Variants in LSS observed in about 807,000 individuals in gnomAD.
LSS encodes lanosterol synthase.
In LSS, 90 loss-of-function variants were observed where a neutral mutation model predicts 110.3. The ratio of observed to expected loss-of-function variants is 0.82; its 90% CI spans 0.69 to 0.97. LSS has a LOEUF of 0.97. Among genes scored for constraint, LSS ranks in the 50% least tolerant of loss-of-function variants. The pLI, the probability that LSS is intolerant of heterozygous loss-of-function variation, is 0.00. For missense variants in LSS, 927 were observed against 990.0 expected, an observed-to-expected ratio of 0.94 and a Z score of 0.85; for synonymous variants, 433 against 400.0, an observed-to-expected ratio of 1.08 and a Z score of -0.98.
chr21:46,193,822 T>C lies in LSS; in HGVS notation c.1988+669A>G, dbSNP rs1360309560. ...GGGATCCTGTGGGTGCATCTGTACG[T>C]GTGTGTACACAGGTGCCTGTGCATG... On this transcript the variant is annotated intron_variant, in intron 20 of 21. Coordinates refer to ENST00000397728, the MANE Select transcript of LSS (RefSeq NM_002340.6). 13 of 384,334 alleles carry C rather than the reference T, an allele frequency of 3.4e-5. No homozygotes were observed. The Admixed American group carries it at 3.6e-4, about 11-fold the overall frequency. 23.8% of individuals were successfully genotyped at this position (384,334 alleles called of 1,614,324 possible). A position where few individuals can be genotyped will look rare whatever the true frequency, so the allele number is the denominator to read the frequency against.
At chr21:46,202,401 A>T (rs2079991048) in intron 17 of LSS, among the ~76,000 whole-genome samples, 1 of 149,350 alleles carries the variant, frequency 6.7e-6, no homozygotes, top group African/African-American at 2.5e-5. Context: ...CTCAAAAAAA[A>T]AAAAAATAAA....
At position 46,209,866 on chromosome 21, in the gene LSS, C is replaced by T. The variant is rs997241973; in HGVS notation, c.1195-241G>A. ...AGGAGACCATTTATGGATGCCAGCA[C>T]CCCCCTGCCTGGCCAGCATCCATGC... On this transcript the variant is annotated intron_variant, in intron 12 of 21. Coordinates refer to ENST00000397728, the MANE Select transcript of LSS (RefSeq NM_002340.6). This position sits in a 1 kb window ranked among gnomAD's most constrained non-coding sequence, Gnocchi z 4.4. Among the ~76,000 whole-genome samples, 1 of 152,150 alleles carries T rather than the reference C, an allele frequency of 6.6e-6. No homozygotes were observed. Among genetic ancestry groups the T allele is most frequent in the African/African-American group, 2.4e-5 (1 of 41,416 alleles).
chr21:46,206,224 G>C (rs1467045167), intron 16 of LSS, among the ~76,000 whole-genome samples: 2 of 152,198 alleles, frequency 1.3e-5, no homozygotes, highest in East Asian at 1.9e-4. Flanking sequence ...GTGCCCAGAG[G>C]TGGACCAGGG....
At chr21:46,219,111 A>T (rs2080242576) in intron 6 of LSS, among the ~76,000 whole-genome samples, 1 of 152,118 alleles carries the variant, frequency 6.6e-6, no homozygotes, top group Admixed American at 6.5e-5. Context: ...CCAGCAAAGG[A>T]GACAAACGCA....
intron 10 of LSS, 124 bp from the exon 11 acceptor site, chr21:46,213,176 G>T: frequency 1.1e-6 from 1 of 876,684 alleles, no homozygotes. Flanking sequence ...CCTGGCACTG[G>T]CCTGGATGCC....
Position 46,216,472 on chromosome 21 carries a change from G to A in LSS, c.700C>T (p.Arg234Trp), listed in dbSNP as rs538836283. The change falls in exon 7 of 22, where the codon CGG becomes TGG. Residue 234 changes from arginine to tryptophan, a missense_variant. By Grantham distance (101) the Arg-to-Trp change is moderately radical. Coordinates refer to ENST00000397728, the MANE Select transcript of LSS (RefSeq NM_002340.6). The surrounding 1 kb of genome is among the most constrained non-coding windows in gnomAD (Gnocchi z 4.2). ...AHPSTLWCHC[R>W]QVYLPMSYCY... ...TAGCTCATGGGCAGGTACACCTGCC[G>A]GCAGTGGCACCAGAGTGTGGAGGGG... 1.5e-5 allele frequency: 25 copies of A among 1,613,494 alleles called. No individual in the cohort carries two copies. The highest frequency in any genetic ancestry group is 2.2e-5 in the East Asian group (1 of 44,864).
At position 46,210,736 on chromosome 21, in the gene LSS, G is replaced by A. The variant is rs754171241; in HGVS notation, c.1146C>T (p.Asn382=). ...GLDGMKMQGT[N]GSQIWDTAFA... ...ATGCGGTGTCCCAGATCTGTGAGCC[G>A]TTGGTGCCCTACACACAAAGGATGG... The change falls in exon 12 of 22, where the codon AAC becomes AAT. Residue 382 remains asparagine (N), a synonymous_variant. Coordinates refer to ENST00000397728, the MANE Select transcript of LSS (RefSeq NM_002340.6). 23 of 1,613,846 alleles carry A rather than the reference G, an allele frequency of 1.4e-5. No homozygotes were observed. Among genetic ancestry groups the A allele is most frequent in the African/African-American group, 2.7e-5 (2 of 74,944 alleles).
At position 46,196,238 on chromosome 21, in the gene LSS, C is replaced by A. The variant is rs552411761; in HGVS notation, c.1700G>T (p.Cys567Phe). Reference protein sequence around the residue: ...RETLTQGLEFCRRQQRADGSW... With the variant: ...RETLTQGLEFFRRQQRADGSW... The stretch of plus-strand genomic sequence containing the variant: ...GCCATCGGCCCTCTGCTGCCGCCGA[C>A]AGAACTCTAAGCCCTGCGTGAGGGT... The change falls in exon 18 of 22, where the codon TGT (cysteine) becomes TTT (phenylalanine). Residue 567 changes from cysteine (C) to phenylalanine (F), a missense_variant. Transcript: ENST00000397728. 6 of 1,614,174 alleles carry A rather than the reference C, an allele frequency of 3.7e-6. No individual in the cohort carries two copies. In the Admixed American group the frequency reaches 8.3e-5, roughly 22 times the overall value.
intron 17 of LSS, among the ~76,000 whole-genome samples, chr21:46,204,276 C>A (rs1305537371): frequency 1.3e-5 from 2 of 151,946 alleles, no homozygotes; most frequent in Non-Finnish European, 1.5e-5. Flanking sequence ...ACCTCAGCAA[C>A]AGAGCAAGAC....
chr21:46,221,615 C>A (rs546776492), intron 5 of LSS: 1 of 554,330 alleles, frequency 1.8e-6, no homozygotes, highest in South Asian at 2.0e-5. Context: ...ACCTCAGTCT[C>A]CCAAAGTGCT....
In LSS at chr21:46,188,609, G is replaced by A. The variant is rs533086971; in HGVS notation, c.*2495C>T. 20 of 470,368 alleles carry A rather than the reference G, an allele frequency of 4.3e-5. No homozygotes were observed. Among genetic ancestry groups the A allele is most frequent in the African/African-American group, 2.0e-4 (10 of 50,046 alleles). 29.1% of individuals were successfully genotyped at this position (470,368 alleles called of 1,614,324 possible). ...ACCCTCCCAGCACCGAGAAGCCGAC[G>A]GGGGAGGAACAGACTCCTCTGCATT... On this transcript the variant is annotated 3_prime_UTR_variant, in exon 22 of 22. Transcript: ENST00000397728.
intron 16 of LSS, 131 bp downstream of exon 16, chr21:46,206,541 C>A: frequency 1.3e-6 from 1 of 756,374 alleles, no homozygotes; most frequent in Non-Finnish European, 2.3e-6. Flanking sequence ...AGGGAGGGCT[C>A]CAGACAGATC....
chr21:46,215,934 C>A (rs2080201753), intron 7 of LSS, 141 bp from the exon 8 acceptor site: 2 of 605,194 alleles, frequency 3.3e-6, no homozygotes, highest in South Asian at 2.1e-5. Flanking sequence ...CAGCAACTGA[C>A]CCCGAGGCCA....
intron 17 of LSS, among the ~76,000 whole-genome samples, chr21:46,199,420 G>A (rs899400471): frequency 3.3e-5 from 5 of 152,212 alleles, no homozygotes; most frequent in African/African-American, 1.2e-4. Context: ...TGGTGGAAAC[G>A]CAAATGGTGC....
intron 5 of LSS, chr21:46,221,621 G>A (rs2080280122): frequency 1.8e-6 from 1 of 565,528 alleles, no homozygotes; most frequent in Non-Finnish European, 3.1e-6. Context: ...GTCTCCCAAA[G>A]TGCTGGAATT....
intron 17 of LSS, among the ~76,000 whole-genome samples, chr21:46,203,037 C>T (rs900261172): frequency 6.6e-6 from 1 of 152,214 alleles, no homozygotes; most frequent in Non-Finnish European, 1.5e-5. Context: ...TGGCATCTCA[C>T]ACAATCCCAC....
In LSS at chr21:46,189,593, G is replaced by A. The variant is rs188347703; in HGVS notation, c.*1511C>T. On this transcript the variant is annotated 3_prime_UTR_variant, in exon 22 of 22. Coordinates refer to ENST00000397728, the MANE Select transcript of LSS (RefSeq NM_002340.6). Reference sequence around the variant, plus strand: ...GTGCGGCACCTGGGTGAGAGCCCTGGACTGCACACCAAGGCAGAGGGGTGC... The same window carrying A: ...GTGCGGCACCTGGGTGAGAGCCCTGAACTGCACACCAAGGCAGAGGGGTGC... 2.2e-4 allele frequency: 99 copies of A among 450,218 alleles called. 2 individuals are homozygous for A. The highest frequency in any genetic ancestry group is 2.1e-3 in the Admixed American group (89 of 42,198). The allele number at this position is 450,218 out of a possible 1,614,324, so 27.9% of individuals were successfully genotyped here. A position where few individuals can be genotyped will look rare whatever the true frequency, so the allele number is the denominator to read the frequency against.
In LSS at chr21:46,225,911, G is replaced by C. The variant is rs372494218; in HGVS notation, c.319+1641C>G. Among the ~76,000 whole-genome samples, 17 of 152,202 alleles carry C rather than the reference G, an allele frequency of 1.1e-4. No individual in the cohort carries two copies. In the South Asian group the frequency reaches 1.9e-3, roughly 17 times the overall value. On this transcript the variant is annotated intron_variant, in intron 3 of 21. Coordinates refer to ENST00000397728, the MANE Select transcript of LSS (RefSeq NM_002340.6). ...CGGTTTCCACGTCTTGGTGGTAGTG[G>C]TCCCCCGGGCCCAGCTGTCTTTTCT...
chr21:46,215,231 A>G lies in LSS; in HGVS notation c.960T>C (p.Tyr320=). 6.2e-7 allele frequency: 1 copy of G among 1,611,414 alleles called. No individual in the cohort carries two copies. The highest frequency in any genetic ancestry group is 8.5e-7 in the Non-Finnish European group (1 of 1,179,932). ...ATCGGTCGTCGGCCACAATGTGTTC[A>G]TACAGCTTCTGCACGGCCCGCTGCC... is the stretch of plus-strand genomic sequence containing the variant. ...HLRQRAVQKL[Y]EHIVADDRFT... Residue 320 remains tyrosine (Y), a synonymous_variant, in exon 9 of 22, where the codon TAT becomes TAC. Coordinates refer to ENST00000397728, the MANE Select transcript of LSS (RefSeq NM_002340.6).
Sources: allele counts gnomAD v4.1 joint callset (sites outside exome capture counted in the v4.1 genomes callset), GRCh38; gene constraint gnomAD v4.1.1; non-coding constraint Gnocchi (gnomAD v3.1); transcripts MANE v1.5; gene names NCBI Gene and HGNC (gene_info 2026-07-23, HGNC 2026-07-21).